Variants in DCHS2 observed in about 807,000 individuals in gnomAD.
DCHS2 encodes the protein protocadherin-23.
DCHS2 carries 142 observed loss-of-function variants against 182.4 expected under a neutral mutation model. The observed-to-expected ratio is 0.78, with a 90% CI of 0.68 to 0.89. DCHS2 has a LOEUF of 0.89. DCHS2 is among the 40% of genes least tolerant of loss of function. The pLI, the probability that DCHS2 is intolerant of heterozygous loss-of-function variation, is 0.00. For synonymous variants in DCHS2, 1,740 were observed against 1,663.3 expected, an observed-to-expected ratio of 1.05 and a Z score of -1.12; for missense variants, 4,319 against 4,198.6, an observed-to-expected ratio of 1.03 and a Z score of -0.79.
At chr4:154,435,595 CAA>C (rs71600329) in intron 1 of DCHS2, among the ~76,000 whole-genome samples, 20 of 127,364 alleles carry the variant, frequency 1.6e-4, no homozygotes, top group South Asian at 2.4e-4. Flanking sequence ...GACTCCATCT[CAA>C]AAAAAAAAAA....
chr4:154,315,737 T>A lies in DCHS2; in HGVS notation c.5260+11A>T. On this transcript the variant is annotated intron_variant, in intron 10 of 19. Coordinates refer to ENST00000357232, the MANE Select transcript of DCHS2 (RefSeq NM_001358235.2). ...AGCATTAAATACCCAGTTTCTGTATTTCTAAATTACCTGAATCTCTGTCCA... is the reference window on the plus strand; with the variant it reads ...AGCATTAAATACCCAGTTTCTGTATATCTAAATTACCTGAATCTCTGTCCA... 6.2e-7 allele frequency: 1 copy of A among 1,609,956 alleles called. No homozygotes were observed. Among genetic ancestry groups the A allele is most frequent in the South Asian group, 1.1e-5 (1 of 90,282 alleles).
At chr4:154,311,596 G>T (rs941796570) in intron 10 of DCHS2, among the ~76,000 whole-genome samples, 2 of 152,006 alleles carry the variant, frequency 1.3e-5, no homozygotes, top group Admixed American at 6.6e-5. Flanking sequence ...CATTTCTAAA[G>T]CAAAAATAGA....
intron 1 of DCHS2, among the ~76,000 whole-genome samples, chr4:154,383,079 A>C (rs1364425780): frequency 3.9e-5 from 6 of 152,220 alleles, no homozygotes; most frequent in African/African-American, 1.4e-4. Context: ...AAAACATAGA[A>C]TCAACCTAGG....
intron 1 of DCHS2, among the ~76,000 whole-genome samples, chr4:154,400,564 A>G (rs1732130991): frequency 6.6e-6 from 1 of 152,198 alleles, no homozygotes; most frequent in Non-Finnish European, 1.5e-5. Flanking sequence ...GTATAGTGAC[A>G]CTTTCAAAAG....
At chr4:154,272,116 A>G (rs770409261) in intron 13 of DCHS2, 4 of 152,266 alleles carry the variant, frequency 2.6e-5, no homozygotes, top group Admixed American at 6.5e-5. Flanking sequence ...TTGTTATTGC[A>G]GAGTAATATT....
intron 1 of DCHS2, among the ~76,000 whole-genome samples, chr4:154,419,123 C>T (rs193296788): frequency 6.0e-4 from 91 of 152,296 alleles, no homozygotes; most frequent in African/African-American, 2.1e-3. Flanking sequence ...CCATCAGTGA[C>T]GCATTTTGCA....
At position 154,469,218 on chromosome 4, in the gene DCHS2, ATCT is replaced by A. The variant is rs1482781452; in HGVS notation, c.2052+20083_2052+20085del. Among the ~76,000 whole-genome samples the A allele has an allele frequency of 0.019, 77 of 4,038 alleles. No individual in the cohort carries two copies. The Non-Finnish European group carries it at 0.2, about 10-fold the overall frequency. The allele number at this position is 4,038 out of a possible 152,430, so 2.6% of individuals were successfully genotyped here. A position where few individuals can be genotyped will look rare whatever the true frequency, so the allele number is the denominator to read the frequency against. The stretch of plus-strand genomic sequence containing the variant: ...ACTGGGTAGACACAGGAGTGCAAAC[ATCT>A]TCTCAATATAAAAATTTCTATTTTT... On this transcript the variant is annotated intron_variant, in intron 1 of 19. Transcript: ENST00000357232.
At chr4:154,353,733 T>A (rs1729726821) in intron 3 of DCHS2, among the ~76,000 whole-genome samples, 1 of 152,236 alleles carries the variant, frequency 6.6e-6, no homozygotes, top group Non-Finnish European at 1.5e-5. Context: ...TTTGTTCTAT[T>A]CCCTGGAGGG....
intron 13 of DCHS2, among the ~76,000 whole-genome samples, chr4:154,273,506 C>T (rs1303052471): frequency 6.6e-6 from 1 of 152,036 alleles, no homozygotes; most frequent in Admixed American, 6.6e-5. Flanking sequence ...ATACTATATA[C>T]ACTGTTTGGG....
intron 3 of DCHS2, among the ~76,000 whole-genome samples, chr4:154,343,843 G>A (rs187227129): frequency 1.3e-4 from 20 of 152,134 alleles, no homozygotes; most frequent in African/African-American, 4.3e-4. Context: ...TTCACAATTC[G>A]GATAACTGTG....
chr4:154,302,907 C>T (rs1419481094), intron 12 of DCHS2, among the ~76,000 whole-genome samples: 1 of 143,842 alleles, frequency 7.0e-6, no homozygotes, highest in Non-Finnish European at 1.5e-5. Flanking sequence ...TGTATATATA[C>T]ACACATATAT....
intron 3 of DCHS2, among the ~76,000 whole-genome samples, chr4:154,342,551 A>G (rs1178314167): frequency 6.6e-6 from 1 of 152,206 alleles, no homozygotes; most frequent in Non-Finnish European, 1.5e-5. Context: ...CTTTGTTGTC[A>G]TTTCAACAAT....
In DCHS2 at chr4:154,439,751, GT is replaced by G. The variant is rs1370754714; in HGVS notation, c.2052+49552del. Among the ~76,000 whole-genome samples the G allele has an allele frequency of 2.0e-5, 3 of 152,110 alleles. No individual in the cohort carries two copies. In the East Asian group the frequency reaches 5.8e-4, roughly 29 times the overall value. The stretch of plus-strand genomic sequence containing the variant: ...AAAATATGTGCTTTATTAACAAAAT[GT>G]TAAGTAACAAAATCCAGAGGTGTAT... On this transcript the variant is annotated intron_variant, in intron 1 of 19. Transcript: ENST00000357232.
rs1327723813 is a variant in DCHS2, at chr4:154,240,600, T to G, written c.7296A>C (p.Ala2432=). Residue 2432 remains alanine, a synonymous_variant, in exon 18 of 20, where the codon GCA becomes GCC. Coordinates refer to ENST00000357232, the MANE Select transcript of DCHS2 (RefSeq NM_001358235.2). ...TGACATCCAGCACACGGACTACAAG[T>G]GCTCCCTCTGTGTAGTGCACTGAAT... is the stretch of plus-strand genomic sequence containing the variant. ...ISDSVHYTEG[A]LVVRVLDVND... is the part of the protein sequence containing the mutation. 1.2e-6 allele frequency: 2 copies of G among 1,613,922 alleles called. No individual in the cohort carries two copies. The highest frequency in any genetic ancestry group is 1.7e-6 in the Non-Finnish European group (2 of 1,179,900).
At chr4:154,364,682 C>A (rs1286208139) in intron 3 of DCHS2, among the ~76,000 whole-genome samples, 2 of 152,148 alleles carry the variant, frequency 1.3e-5, no homozygotes, top group Non-Finnish European at 2.9e-5. Flanking sequence ...GGCTCTCTAC[C>A]TAATGGGGCT....
chr4:154,234,305 A>T lies in DCHS2; in HGVS notation c.*231T>A. The T allele has an allele frequency of 1.9e-6, 1 of 522,140 alleles. No homozygotes were observed. Among genetic ancestry groups the T allele is most frequent in the Non-Finnish European group, 3.3e-6 (1 of 307,430 alleles). The allele number at this position is 522,140 out of a possible 1,614,324, so 32.3% of individuals were successfully genotyped here. A position where few individuals can be genotyped will look rare whatever the true frequency, so the allele number is the denominator to read the frequency against. On this transcript the variant is annotated 3_prime_UTR_variant, in exon 20 of 20. Transcript: ENST00000357232. ...TGACAGAATATACACTACTTAATAT[A>T]TACAAATGTGAGTCCTGAGAGCAAC...
chr4:154,404,293 T>C lies in DCHS2; in HGVS notation c.2053-26849A>G, dbSNP rs572107486. On this transcript the variant is annotated intron_variant, in intron 1 of 19. Coordinates refer to ENST00000357232, the MANE Select transcript of DCHS2 (RefSeq NM_001358235.2). The stretch of plus-strand genomic sequence containing the variant: ...ACTCATGGATTATTTAGAGGAGTAT[T>C]GATTGATTTTCAAATACTTGGGATG... Among the ~76,000 whole-genome samples, 41 of 152,346 alleles carry C rather than the reference T, an allele frequency of 2.7e-4. No individual in the cohort carries two copies. The South Asian group carries it at 3.7e-3, about 14-fold the overall frequency.
At chr4:154,333,634 C>T (rs922064978) in intron 4 of DCHS2, 140 bp from the exon 5 acceptor site, 7 of 824,384 alleles carry the variant, frequency 8.5e-6, no homozygotes, top group African/African-American at 3.5e-5. Context: ...ATGATGGTTC[C>T]GTAAGATTCT....
intron 1 of DCHS2, among the ~76,000 whole-genome samples, chr4:154,386,466 A>T (rs1279815756): frequency 4.1e-5 from 6 of 147,458 alleles, no homozygotes; most frequent in African/African-American, 1.3e-4. Context: ...TCTAGTCAAG[A>T]GTCACTTTAC....
Sources: gnomAD v4.1 joint callset for allele counts (sites outside exome capture counted in the v4.1 genomes callset) on GRCh38, gnomAD v4.1.1 for gene constraint, MANE v1.5 for transcripts, NCBI Gene and HGNC (gene_info 2026-07-23, HGNC 2026-07-21) for gene names.